TMTC2: variants seen among roughly 807,000 people sequenced by gnomAD.
The protein encoded by TMTC2 is protein O-mannosyl-transferase TMTC2.
In TMTC2, 43 loss-of-function variants were observed where a neutral mutation model predicts 82.4. The observed-to-expected ratio is 0.52, with a 90% CI of 0.41 to 0.67. The LOEUF (loss-of-function observed/expected upper bound fraction) is 0.67. Among genes scored for constraint, TMTC2 ranks in the 30% least tolerant of loss-of-function variants. TMTC2 has a pLI of 0.00. For synonymous variants in TMTC2, 408 were observed against 381.9 expected, an observed-to-expected ratio of 1.07 and a Z score of -0.80; for missense variants, 919 against 1,012.4, an observed-to-expected ratio of 0.91 and a Z score of 1.25.
chr12:82,774,020 G>A (rs994047038), intron 1 of TMTC2, among the ~76,000 whole-genome samples: 1 of 151,948 alleles, frequency 6.6e-6, no homozygotes, highest in Non-Finnish European at 1.5e-5. Flanking sequence ...CAATGGTTAG[G>A]AAGAATACTC....
chr12:82,765,457 C>T (rs546622456), intron 1 of TMTC2, among the ~76,000 whole-genome samples: 28 of 152,142 alleles, frequency 1.8e-4, no homozygotes, highest in Non-Finnish European at 2.1e-4. Context: ...GGCAGATCAC[C>T]TGAGGTTGGG....
At chr12:82,914,216 T>G (rs866754249) in intron 3 of TMTC2, among the ~76,000 whole-genome samples, 1 of 152,262 alleles carries the variant, frequency 6.6e-6, no homozygotes, top group African/African-American at 2.4e-5. Flanking sequence ...TATTTTATTT[T>G]AGAGATCTCA....
At chr12:83,019,534 T>C (rs1479919205) in intron 8 of TMTC2, among the ~76,000 whole-genome samples, 1 of 152,124 alleles carries the variant, frequency 6.6e-6, no homozygotes, top group Non-Finnish European at 1.5e-5. Context: ...ACCCTTGACA[T>C]CTCAGCTATC....
At chr12:82,805,766 A>G (rs1879217185) in intron 1 of TMTC2, among the ~76,000 whole-genome samples, 1 of 151,908 alleles carries the variant, frequency 6.6e-6, no homozygotes, top group Non-Finnish European at 1.5e-5. Context: ...CAACCTCCCA[A>G]AGTGCTGGGA....
At chr12:82,867,724 A>G (rs992283400) in intron 2 of TMTC2, among the ~76,000 whole-genome samples, 5 of 152,186 alleles carry the variant, frequency 3.3e-5, no homozygotes, top group Non-Finnish European at 7.4e-5. Flanking sequence ...GGAAAACTCA[A>G]AGTTACATGA....
intron 2 of TMTC2, among the ~76,000 whole-genome samples, chr12:82,893,781 CT>C (rs1212183351): frequency 6.6e-6 from 1 of 151,904 alleles, no homozygotes; most frequent in African/African-American, 2.4e-5. Flanking sequence ...GAATTACAAA[CT>C]TTTTGTTTTG....
Position 83,132,087 on chromosome 12 carries a change from G to A in TMTC2, c.2332-123G>A, listed in dbSNP as rs1885274015. The A allele has an allele frequency of 6.9e-6, 8 of 1,161,278 alleles. No individual in the cohort carries two copies. The South Asian group carries it at 1.3e-4, about 18-fold the overall frequency. The allele number at this position is 1,161,278 out of a possible 1,614,324, so 71.9% of individuals were successfully genotyped here. On this transcript the variant is annotated intron_variant, in intron 11 of 11. Coordinates refer to ENST00000321196, the MANE Select transcript of TMTC2 (RefSeq NM_152588.3). ...ATCTGTTTGTATAAATTGCTAAATT[G>A]CTTTCACAAAATGCCTCTAGACATA...
chr12:82,817,239 G>C (rs1265959064), intron 1 of TMTC2, among the ~76,000 whole-genome samples: 1 of 151,970 alleles, frequency 6.6e-6, no homozygotes, highest in Non-Finnish European at 1.5e-5. Flanking sequence ...AAAGTGCTGG[G>C]ATTACAGGCA....
intron 4 of TMTC2, among the ~76,000 whole-genome samples, chr12:82,957,879 C>T (rs1406526183): frequency 6.6e-6 from 1 of 151,854 alleles, no homozygotes; most frequent in African/African-American, 2.4e-5. Context: ...AAGAAAAACA[C>T]AAAAAACAAA....
chr12:82,886,171 G>T (rs1873089651), intron 2 of TMTC2, among the ~76,000 whole-genome samples: 1 of 152,088 alleles, frequency 6.6e-6, no homozygotes, highest in South Asian at 2.1e-4. Flanking sequence ...GGACATATCT[G>T]TATCAGTGTA....
intron 2 of TMTC2, among the ~76,000 whole-genome samples, chr12:82,876,821 G>A (rs1279210672): frequency 1.3e-5 from 2 of 152,088 alleles, no homozygotes; most frequent in Non-Finnish European, 2.9e-5. Context: ...ATAGCAGTGC[G>A]ACCTGGGAAT....
intron 1 of TMTC2, among the ~76,000 whole-genome samples, chr12:82,810,384 A>G (rs946356480): frequency 6.6e-6 from 1 of 150,922 alleles, no homozygotes; most frequent in Admixed American, 6.6e-5. Context: ...TAAACAACAG[A>G]ATTTTTAACA....
intron 1 of TMTC2, among the ~76,000 whole-genome samples, chr12:82,824,082 C>T (rs1335322832): frequency 1.3e-5 from 2 of 151,998 alleles, no homozygotes; most frequent in African/African-American, 2.4e-5. Flanking sequence ...TTAATAGAGA[C>T]GGGGTTTCAC....
chr12:82,976,072 C>A (rs545281362), intron 7 of TMTC2, among the ~76,000 whole-genome samples: 1 of 152,234 alleles, frequency 6.6e-6, no homozygotes, highest in South Asian at 2.1e-4. Flanking sequence ...TGCACACACA[C>A]CACACTCACA....
At chr12:83,029,197 C>T (rs1211126070) in intron 8 of TMTC2, among the ~76,000 whole-genome samples, 8 of 152,108 alleles carry the variant, frequency 5.3e-5, no homozygotes, top group Admixed American at 1.3e-4. Context: ...GTCAAAGCTG[C>T]GTACCATGTA....
At chr12:82,873,213 T>TTGTG (rs35177760) in intron 2 of TMTC2, among the ~76,000 whole-genome samples, 10,337 of 143,516 alleles carry the variant, frequency 0.072, 1,267 homozygotes, top group African/African-American at 0.25. Flanking sequence ...TTCAAAGATG[T>TTGTG]TGTGTGTGTG....
chr12:82,810,013 T>C (rs1253688407), intron 1 of TMTC2, among the ~76,000 whole-genome samples: 1 of 152,090 alleles, frequency 6.6e-6, no homozygotes, highest in Non-Finnish European at 1.5e-5. Flanking sequence ...GGAGCTGAAA[T>C]GCTGAGAATT....
intron 1 of TMTC2, among the ~76,000 whole-genome samples, chr12:82,767,755 T>C (rs924395527): frequency 6.6e-6 from 1 of 152,232 alleles, no homozygotes; most frequent in African/African-American, 2.4e-5. Context: ...TTTTCTACGA[T>C]TGGTTCTATT....
chr12:82,817,876 T>C (rs1280327752), intron 1 of TMTC2, among the ~76,000 whole-genome samples: 1 of 152,170 alleles, frequency 6.6e-6, no homozygotes, highest in African/African-American at 2.4e-5. Context: ...CAATTTATTC[T>C]TGGCTGTGTA....
Sources: allele counts gnomAD v4.1 joint callset (sites outside exome capture counted in the v4.1 genomes callset), GRCh38; gene constraint gnomAD v4.1.1; transcripts MANE v1.5; gene names NCBI Gene and HGNC (gene_info 2026-07-23, HGNC 2026-07-21).